The following ZNF236 variants were observed in gnomAD, a reference collection of about 807,000 sequenced individuals.
ZNF236 encodes regulated by glucose.
A neutral mutation model predicts 191.2 loss-of-function variants in ZNF236; 50 were observed. That is an observed-to-expected ratio of 0.26 (90% CI 0.21 to 0.33). The LOEUF is 0.33. Ranked by LOEUF, ZNF236 falls within the 10% of genes least tolerant of loss-of-function variation. The pLI is 1.00. For synonymous variants in ZNF236, 907 were observed against 928.8 expected (o/e 0.98, Z 0.43); for missense variants, 1,754 against 2,374.5 (o/e 0.74, Z 5.43).
rs758658700 is a variant in ZNF236 at position 76,947,562 on chromosome 18, G to A, written c.4824G>A (p.Ser1608=). 5.8e-5 allele frequency: 94 copies of A among 1,613,870 alleles called. No homozygotes were observed. The highest frequency in any genetic ancestry group is 7.0e-5 in the Non-Finnish European group (83 of 1,179,982). ...CGCTCCTCACGGATCCCTCTCTCTCGGGCCAGGGTGGAGCAGGCTCGCCGC... is the reference window on the plus strand; with the variant it reads ...CGCTCCTCACGGATCCCTCTCTCTCAGGCCAGGGTGGAGCAGGCTCGCCGC... ...FPALLTDPSL[S]GQGGAGSPQV... The change falls in exon 27 of 31, where the codon TCG becomes TCA. Residue 1608 remains serine (S), a synonymous_variant. Transcript: ENST00000320610.
At chr18:76,906,124 T>C (rs1360161609) in intron 13 of ZNF236, among the ~76,000 whole-genome samples, 1 of 152,210 alleles carries the variant, frequency 6.6e-6, no homozygotes, top group Admixed American at 6.5e-5. Flanking sequence ...AACCCAGATA[T>C]GTCTGCCTGG....
intron 4 of ZNF236, among the ~76,000 whole-genome samples, chr18:76,870,305 A>C (rs1480499688): frequency 6.6e-6 from 1 of 152,150 alleles, no homozygotes; most frequent in Admixed American, 6.5e-5. Flanking sequence ...ATTTGATGGT[A>C]ATTTCAGTGA....
chr18:76,916,996 C>A (rs557640283), intron 19 of ZNF236, among the ~76,000 whole-genome samples: 1 of 152,298 alleles, frequency 6.6e-6, no homozygotes, highest in South Asian at 2.1e-4. Context: ...GGCAGTCTAC[C>A]TTTCTCTGCT....
At position 76,937,050 on chromosome 18, in the gene ZNF236, G is replaced by T. The variant is rs181164676; in HGVS notation, c.4595-106G>T. The T allele has an allele frequency of 6.8e-5, 68 of 1,005,030 alleles. No individual in the cohort carries two copies. In the Admixed American group the frequency reaches 8.4e-4, roughly 12 times the overall value. 62.3% of individuals were successfully genotyped at this position (1,005,030 alleles called of 1,614,324 possible). ...TCTTTGGTGCAGCTTGGAGACCTCG[G>T]GCATGAATGCTGCTTCCTGCAGGTG... is the stretch of plus-strand genomic sequence containing the variant. On this transcript the variant is annotated intron_variant, in intron 25 of 30. Coordinates refer to ENST00000320610, the MANE Select transcript of ZNF236 (RefSeq NM_001306089.2).
chr18:76,922,260 T>A (rs1967558024), intron 20 of ZNF236, among the ~76,000 whole-genome samples: 1 of 152,148 alleles, frequency 6.6e-6, no homozygotes. Context: ...GTGCCTCTGA[T>A]GGCTCAGTGA....
chr18:76,931,061 AT>A (rs1222057937), intron 25 of ZNF236: 1 of 152,228 alleles, frequency 6.6e-6, no homozygotes, highest in Non-Finnish European at 1.5e-5. Flanking sequence ...ATTAATTTCC[AT>A]TTAGGTCAAG....
intron 26 of ZNF236, among the ~76,000 whole-genome samples, chr18:76,943,629 G>C (rs1224927334): frequency 6.6e-6 from 1 of 152,184 alleles, no homozygotes; most frequent in African/African-American, 2.4e-5. Context: ...GGCTTTTTAA[G>C]TCTAAATTTG....
At chr18:76,823,249 A>G (rs1974917009) in intron 1 of ZNF236, among the ~76,000 whole-genome samples, 1 of 150,480 alleles carries the variant, frequency 6.6e-6, no homozygotes, top group African/African-American at 2.4e-5. Context: ...AGGGTCGTGC[A>G]CACAGTGTGC....
At chr18:76,828,402 A>G (rs1405483713) in intron 1 of ZNF236, among the ~76,000 whole-genome samples, 1 of 151,968 alleles carries the variant, frequency 6.6e-6, no homozygotes, top group Non-Finnish European at 1.5e-5. Flanking sequence ...TTCTGACCTC[A>G]GGTGATCCAC....
intron 25 of ZNF236, among the ~76,000 whole-genome samples, chr18:76,928,770 A>G (rs1370775734): frequency 6.6e-6 from 1 of 151,676 alleles, no homozygotes; most frequent in Non-Finnish European, 1.5e-5. Flanking sequence ...CATTGAACAT[A>G]TTTTCCTGGT....
chr18:76,936,800 G>C (rs118039650), intron 25 of ZNF236, among the ~76,000 whole-genome samples: 9 of 152,136 alleles, frequency 5.9e-5, no homozygotes, highest in Admixed American at 5.9e-4. Flanking sequence ...TTCTTCAGCT[G>C]GTCTCTTTGG....
chr18:76,909,318 CA>C (rs34878586), intron 14 of ZNF236, among the ~76,000 whole-genome samples: 4,225 of 119,374 alleles, frequency 0.035, 72 homozygotes, highest in East Asian at 0.1. Flanking sequence ...GACTCTGTCT[CA>C]AAAAAAAAAA....
intron 14 of ZNF236, among the ~76,000 whole-genome samples, chr18:76,908,949 GTGTATGTGTGTGTC>G (rs1457395490): frequency 4.8e-5 from 6 of 124,474 alleles, no homozygotes; most frequent in Admixed American, 9.2e-5. Context: ...AGGGGTGTGT[GTGTATGTGTGTGTC>G]TGTGTGTGTG....
intron 11 of ZNF236, among the ~76,000 whole-genome samples, chr18:76,901,957 C>T (rs1040956845): frequency 6.6e-5 from 10 of 152,100 alleles, no homozygotes; most frequent in South Asian, 2.1e-4. Context: ...TTCAGGTTGC[C>T]GTAAATCAAG....
intron 25 of ZNF236, chr18:76,936,082 G>T (rs1370531601): frequency 4.4e-6 from 2 of 456,940 alleles, no homozygotes; most frequent in Admixed American, 2.3e-5. Flanking sequence ...TAGTTTTCCT[G>T]TTGGCCCCTG....
intron 26 of ZNF236, among the ~76,000 whole-genome samples, chr18:76,945,835 A>G (rs899685795): frequency 6.6e-6 from 1 of 152,238 alleles, no homozygotes; most frequent in African/African-American, 2.4e-5. Context: ...GTAAAAAATT[A>G]GGCTGATATA....
chr18:76,917,250 C>G (rs1967393330), intron 19 of ZNF236, among the ~76,000 whole-genome samples: 1 of 152,176 alleles, frequency 6.6e-6, no homozygotes, highest in Non-Finnish European at 1.5e-5. Flanking sequence ...GAAAATGACC[C>G]TTTCCTTCAA....
intron 9 of ZNF236, among the ~76,000 whole-genome samples, chr18:76,884,761 C>T (rs1313584211): frequency 6.6e-6 from 1 of 152,164 alleles, no homozygotes; most frequent in East Asian, 1.9e-4. Context: ...TGCAAGTGTG[C>T]TTTTTAAACA....
intron 30 of ZNF236, among the ~76,000 whole-genome samples, chr18:76,963,182 T>C (rs1368301921): frequency 6.6e-6 from 1 of 152,206 alleles, no homozygotes; most frequent in African/African-American, 2.4e-5. Context: ...TTTTAACTTT[T>C]CATCATTCGA....
Sources: gnomAD v4.1 joint callset for allele counts (sites outside exome capture counted in the v4.1 genomes callset) on GRCh38, gnomAD v4.1.1 for gene constraint, MANE v1.5 for transcripts, NCBI Gene and HGNC (gene_info 2026-07-23, HGNC 2026-07-21) for gene names.